Variants in PJA2 observed in about 807,000 individuals in gnomAD.
The protein encoded by PJA2 is E3 ubiquitin-protein ligase Praja-2.
Under a neutral mutation model 69.3 loss-of-function variants are expected in PJA2, and 25 were observed. The observed-to-expected ratio is 0.36, with a 90% CI of 0.26 to 0.50. The LOEUF (loss-of-function observed/expected upper bound fraction) is 0.50. Among genes scored for constraint, PJA2 ranks in the 20% least tolerant of loss-of-function variants. The pLI is 0.96. For missense variants in PJA2, 809 were observed against 830.2 expected, an observed-to-expected ratio of 0.97 and a Z score of 0.31; for synonymous variants, 308 against 277.8, an observed-to-expected ratio of 1.11 and a Z score of -1.08.
intron 1 of PJA2, 88 bp from the exon 2 acceptor site, chr5:109,383,608 A>C (rs758190939): frequency 4.0e-6 from 2 of 501,986 alleles, no homozygotes; most frequent in African/African-American, 3.9e-5. Context: ...GTGAAGTCTT[A>C]TAATAAAACT....
At chr5:109,354,134 CTGTCTATAGATTAGATATCTATGA>C (rs1762348567) in intron 7 of PJA2, among the ~76,000 whole-genome samples, 1 of 49,928 alleles carries the variant, frequency 2.0e-5, no homozygotes, top group Non-Finnish European at 5.5e-5. Flanking sequence ...GTATCTAGAG[CTGTCTATAGATTAGATATCTATGA>C]TATCTAGAGA....
chr5:109,389,959 T>C (rs1747243659), intron 1 of PJA2, among the ~76,000 whole-genome samples: 1 of 151,746 alleles, frequency 6.6e-6, no homozygotes, highest in South Asian at 2.1e-4. Flanking sequence ...TCAGAAAACA[T>C]GCATTGTATG....
intron 4 of PJA2, among the ~76,000 whole-genome samples, chr5:109,374,812 G>C (rs978439127): frequency 1.3e-5 from 2 of 152,194 alleles, no homozygotes; most frequent in African/African-American, 4.8e-5. Context: ...TCTCTTCAGA[G>C]CAGTTAGGCC....
intron 9 of PJA2, among the ~76,000 whole-genome samples, chr5:109,342,343 C>T (rs1319819694): frequency 2.7e-4 from 31 of 115,062 alleles, no homozygotes; most frequent in Admixed American, 1.4e-3. Flanking sequence ...ATCGGCCCCC[C>T]GCCCGGCCAG....
intron 1 of PJA2, among the ~76,000 whole-genome samples, chr5:109,404,186 T>A (rs1017763565): frequency 1.3e-5 from 2 of 151,960 alleles, no homozygotes; most frequent in African/African-American, 4.8e-5. Context: ...AGGACTCCTA[T>A]AACAAGCTCC....
intron 2 of PJA2, among the ~76,000 whole-genome samples, chr5:109,382,562 C>T (rs1747074793): frequency 6.6e-6 from 1 of 152,120 alleles, no homozygotes; most frequent in Admixed American, 6.5e-5. Context: ...ATAAATGCAA[C>T]AGTTGCTGGG....
intron 4 of PJA2, among the ~76,000 whole-genome samples, chr5:109,377,073 T>G (rs1582611752): frequency 6.6e-6 from 1 of 152,182 alleles, no homozygotes; most frequent in Non-Finnish European, 1.5e-5. Flanking sequence ...CATACAAAAA[T>G]TACTTACTAA....
At chr5:109,387,899 A>G (rs567170539) in intron 1 of PJA2, among the ~76,000 whole-genome samples, 1 of 152,348 alleles carries the variant, frequency 6.6e-6, no homozygotes, top group South Asian at 2.1e-4. Flanking sequence ...CAGTTACTGA[A>G]CAAACGAATG....
intron 1 of PJA2, among the ~76,000 whole-genome samples, chr5:109,393,566 C>T (rs1214250399): frequency 2.6e-5 from 4 of 151,156 alleles, no homozygotes; most frequent in African/African-American, 9.7e-5. Context: ...CCCAGGAGTT[C>T]GAGGCTGCAG....
At chr5:109,339,354 G>C (rs1215735696) in intron 9 of PJA2, among the ~76,000 whole-genome samples, 1 of 152,168 alleles carries the variant, frequency 6.6e-6, no homozygotes, top group African/African-American at 2.4e-5. Context: ...TGTTATCCAG[G>C]TGATGGGATA....
intron 5 of PJA2, among the ~76,000 whole-genome samples, chr5:109,367,092 A>T (rs1415995933): frequency 6.7e-6 from 1 of 150,316 alleles, no homozygotes; most frequent in African/African-American, 2.5e-5. Flanking sequence ...AGATCGTACC[A>T]CTGCACTCCA....
intron 7 of PJA2, among the ~76,000 whole-genome samples, chr5:109,345,399 C>A (rs1170733133): frequency 6.6e-6 from 1 of 150,558 alleles, no homozygotes; most frequent in African/African-American, 2.4e-5. Flanking sequence ...TGCCTATAAT[C>A]CCAGCTACTG....
Position 109,354,441 on chromosome 5 carries a change from C to G in PJA2, c.1764+1474G>C, listed in dbSNP as rs1051082092. ...AGATATCTATGATATCTAGAGATGT[C>G]TATAGATTAGATATCTATGATATCT... is the stretch of plus-strand genomic sequence containing the variant. On this transcript the variant is annotated intron_variant, in intron 7 of 9. Coordinates refer to ENST00000361189, the MANE Select transcript of PJA2 (RefSeq NM_014819.5). Among the ~76,000 whole-genome samples, 8 of 137,000 alleles carry G rather than the reference C, an allele frequency of 5.8e-5. 2 individuals are homozygous for G. Among genetic ancestry groups the G allele is most frequent in the Non-Finnish European group, 1.2e-4 (8 of 64,270 alleles). The allele number at this position is 137,000 out of a possible 152,430, so 89.9% of individuals were successfully genotyped here. A position where few individuals can be genotyped will look rare whatever the true frequency, so the allele number is the denominator to read the frequency against.
chr5:109,362,749 T>A (rs1762522735), intron 6 of PJA2, 91 bp downstream of exon 6: 2 of 1,282,418 alleles, frequency 1.6e-6, no homozygotes, highest in Non-Finnish European at 2.1e-6. Context: ...AAAATTATAA[T>A]ATTTCTCAGC....
At chr5:109,354,382 AGATATCTCT>A (rs1484288842) in intron 7 of PJA2, among the ~76,000 whole-genome samples, 1 of 49,520 alleles carries the variant, frequency 2.0e-5, no homozygotes, top group South Asian at 6.6e-4. Flanking sequence ...TCTATAGATT[AGATATCTCT>A]GATATCTAGA....
chr5:109,381,417 A>G, intron 3 of PJA2, 86 bp downstream of exon 3: 1 of 983,584 alleles, frequency 1.0e-6, no homozygotes, highest in East Asian at 2.6e-5. Context: ...ACTCACAGAC[A>G]TGCATAATAC....
chr5:109,383,218 A>G (rs1417400720), intron 2 of PJA2, among the ~76,000 whole-genome samples, 185 bp downstream of exon 2: 1 of 152,224 alleles, frequency 6.6e-6, no homozygotes, highest in Non-Finnish European at 1.5e-5. Flanking sequence ...GAAAGAAAAT[A>G]CCAGAATTTC....
chr5:109,342,536 T>TC (rs1762091850), intron 9 of PJA2, among the ~76,000 whole-genome samples: 1 of 28,010 alleles, frequency 3.6e-5, no homozygotes, highest in Non-Finnish European at 6.6e-5. Context: ...GGGGGTCAGC[T>TC]CCCCCACCCG....
At chr5:109,382,467 G>A (rs1481583914) in intron 2 of PJA2, among the ~76,000 whole-genome samples, 1 of 152,182 alleles carries the variant, frequency 6.6e-6, no homozygotes, top group Non-Finnish European at 1.5e-5. Flanking sequence ...TATATATTAA[G>A]TGTAAGTCTG....
Sources: gnomAD v4.1 joint callset for allele counts (sites outside exome capture counted in the v4.1 genomes callset) on GRCh38, gnomAD v4.1.1 for gene constraint, MANE v1.5 for transcripts, NCBI Gene and HGNC (gene_info 2026-07-23, HGNC 2026-07-21) for gene names.